PAPPA2: variants seen among roughly 807,000 people sequenced by gnomAD.
PAPPA2 encodes the protein pappalysin 2.
A neutral mutation model predicts 176.4 loss-of-function variants in PAPPA2; 86 were observed. The observed-to-expected ratio is 0.49, with a 90% CI of 0.41 to 0.58. PAPPA2 has a LOEUF of 0.58. Ranked by LOEUF, PAPPA2 falls within the 20% of genes least tolerant of loss-of-function variation. The pLI is 0.00. For missense variants in PAPPA2, 2,073 were observed against 2,256.9 expected, an observed-to-expected ratio of 0.92 and a Z score of 1.65; for synonymous variants, 809 against 852.2, an observed-to-expected ratio of 0.95 and a Z score of 0.88.
chr1:176,745,402 C>T (rs192317770), intron 14 of PAPPA2, among the ~76,000 whole-genome samples: 16 of 152,200 alleles, frequency 1.1e-4, no homozygotes, highest in Middle Eastern at 3.4e-3. Context: ...TGCTGGATGC[C>T]GTGGATTACT....
chr1:176,594,040 G>T (rs559984324), intron 2 of PAPPA2, among the ~76,000 whole-genome samples: 80 of 152,302 alleles, frequency 5.3e-4, no homozygotes, highest in African/African-American at 1.9e-3. Flanking sequence ...TTCCCCATGA[G>T]TGTCATCCTT....
At chr1:176,568,704 A>G (rs1652132056) in intron 2 of PAPPA2, among the ~76,000 whole-genome samples, 1 of 152,202 alleles carries the variant, frequency 6.6e-6, no homozygotes, top group Admixed American at 6.5e-5. Flanking sequence ...TCCACATGAC[A>G]TGTAATGCCA....
intron 14 of PAPPA2, among the ~76,000 whole-genome samples, chr1:176,746,342 TTC>T (rs1438952636): frequency 2.2e-4 from 33 of 152,220 alleles, no homozygotes; most frequent in African/African-American, 8.0e-4. Context: ...GAAACCTCTG[TTC>T]TCTGTGTCTT....
intron 11 of PAPPA2, among the ~76,000 whole-genome samples, chr1:176,710,593 C>T (rs1039613012): frequency 1.3e-5 from 2 of 152,076 alleles, no homozygotes; most frequent in Admixed American, 6.6e-5. Flanking sequence ...GATCCTCTGA[C>T]GGATCTAAAA....
At chr1:176,593,395 T>C (rs892261640) in intron 2 of PAPPA2, among the ~76,000 whole-genome samples, 1 of 152,244 alleles carries the variant, frequency 6.6e-6, no homozygotes, top group African/African-American at 2.4e-5. Flanking sequence ...AAGACTAGTA[T>C]ATTTTTCCAT....
intron 1 of PAPPA2, among the ~76,000 whole-genome samples, chr1:176,516,924 T>A (rs1242872948): frequency 1.3e-5 from 2 of 152,224 alleles, no homozygotes; most frequent in Non-Finnish European, 2.9e-5. Context: ...ACTGCCATTT[T>A]CAGCTTTATT....
At chr1:176,665,777 A>G (rs1424278203) in intron 3 of PAPPA2, among the ~76,000 whole-genome samples, 1 of 152,128 alleles carries the variant, frequency 6.6e-6, no homozygotes, top group African/African-American at 2.4e-5. Context: ...TCATAGAAAA[A>G]CAAGTCAACA....
Position 176,708,814 on chromosome 1 carries a change from G to T in PAPPA2, c.3458-1169G>T, listed in dbSNP as rs992484463. Among the ~76,000 whole-genome samples the T allele has an allele frequency of 2.0e-5, 3 of 152,094 alleles. No homozygotes were observed. The East Asian group carries it at 5.8e-4, about 29-fold the overall frequency. ...TGGAATAGCCCTGTGGTATTGCTGT[G>T]AAGAATTGAACATGAAGAAAAGGAA... On this transcript the variant is annotated intron_variant, in intron 10 of 22. Coordinates refer to ENST00000367662, the MANE Select transcript of PAPPA2 (RefSeq NM_020318.3).
At chr1:176,672,605 T>G (rs1659075585) in intron 4 of PAPPA2, among the ~76,000 whole-genome samples, 1 of 151,024 alleles carries the variant, frequency 6.6e-6, no homozygotes, top group Admixed American at 6.6e-5. Flanking sequence ...TGCTGTTCAA[T>G]GCTGTTCAAG....
At chr1:176,710,461 A>G (rs1661093534) in intron 11 of PAPPA2, among the ~76,000 whole-genome samples, 1 of 152,092 alleles carries the variant, frequency 6.6e-6, no homozygotes, top group South Asian at 2.1e-4. Flanking sequence ...AAGCTTTAAA[A>G]TATGTATTAA....
chr1:176,787,831 C>CG (rs1197253407), intron 17 of PAPPA2, among the ~76,000 whole-genome samples: 10 of 151,930 alleles, frequency 6.6e-5, no homozygotes, highest in African/African-American at 2.4e-4. Context: ...GAGGCTGAGG[C>CG]GGGTGGATCA....
intron 1 of PAPPA2, among the ~76,000 whole-genome samples, chr1:176,535,762 A>T (rs915163926): frequency 1.2e-4 from 18 of 152,316 alleles, no homozygotes; most frequent in African/African-American, 4.3e-4. Flanking sequence ...TAGTTTTCTC[A>T]TGTATATATT....
intron 12 of PAPPA2, among the ~76,000 whole-genome samples, chr1:176,729,269 C>T (rs1427349507): frequency 1.3e-5 from 2 of 151,932 alleles, no homozygotes; most frequent in Non-Finnish European, 2.9e-5. Flanking sequence ...ATTGTAGTCT[C>T]GAGTTGATTA....
chr1:176,490,723 T>C (rs1647244190), intron 1 of PAPPA2, among the ~76,000 whole-genome samples: 2 of 152,182 alleles, frequency 1.3e-5, no homozygotes, highest in East Asian at 1.9e-4. Context: ...GGCTCCCTTA[T>C]GGCTCAGTTC....
chr1:176,619,286 T>A (rs1309043989), intron 3 of PAPPA2, among the ~76,000 whole-genome samples: 1 of 152,190 alleles, frequency 6.6e-6, no homozygotes, highest in Non-Finnish European at 1.5e-5. Context: ...CAGTAGCCAA[T>A]CAATTTTAAA....
intron 4 of PAPPA2, 89 bp downstream of exon 4, chr1:176,671,204 A>G: frequency 6.5e-7 from 1 of 1,535,510 alleles, no homozygotes; most frequent in Non-Finnish European, 8.8e-7. Context: ...AAAAAGAAAG[A>G]CAGAGAAAAA....
chr1:176,643,809 G>A (rs570828596), intron 3 of PAPPA2, among the ~76,000 whole-genome samples: 23 of 151,950 alleles, frequency 1.5e-4, no homozygotes, highest in Admixed American at 5.3e-4. Flanking sequence ...TGTGTTGGGC[G>A]GAAGAGGGGG....
chr1:176,763,439 A>G (rs1354544729), intron 14 of PAPPA2, among the ~76,000 whole-genome samples: 1 of 152,208 alleles, frequency 6.6e-6, no homozygotes, highest in African/African-American at 2.4e-5. Flanking sequence ...GTGTTTAATG[A>G]TATTTTCATA....
At chr1:176,525,920 T>C (rs1048896088) in intron 1 of PAPPA2, among the ~76,000 whole-genome samples, 5 of 152,226 alleles carry the variant, frequency 3.3e-5, no homozygotes, top group African/African-American at 1.2e-4. Flanking sequence ...TTAGGTGATC[T>C]TCCCTGTTCT....
Sources: gnomAD v4.1 joint callset for allele counts (sites outside exome capture counted in the v4.1 genomes callset) on GRCh38, gnomAD v4.1.1 for gene constraint, MANE v1.5 for transcripts, NCBI Gene and HGNC (gene_info 2026-07-23, HGNC 2026-07-21) for gene names.